Variants in PACRG observed in about 807,000 individuals in gnomAD.
The protein encoded by PACRG is parkin coregulated gene protein.
In PACRG, 29 loss-of-function variants were observed where a neutral mutation model predicts 29.7. The ratio of observed to expected loss-of-function variants is 0.98; its 90% CI spans 0.73 to 1.33. PACRG has a LOEUF of 1.33. PACRG is among the 40% of genes most tolerant of loss of function. The pLI, the probability that PACRG is intolerant of heterozygous loss-of-function variation, is 0.00. For missense variants in PACRG, 279 were observed against 316.2 expected, an observed-to-expected ratio of 0.88 and a Z score of 0.89; for synonymous variants, 116 against 118.7, an observed-to-expected ratio of 0.98 and a Z score of 0.15.
intron 2 of PACRG, among the ~76,000 whole-genome samples, chr6:162,933,870 A>G (rs1045178645): frequency 6.6e-6 from 1 of 152,174 alleles, no homozygotes; most frequent in Non-Finnish European, 1.5e-5. Flanking sequence ...AAAGGTGAAC[A>G]TGTGTGTGCA....
intron 2 of PACRG, among the ~76,000 whole-genome samples, chr6:162,880,740 C>G (rs1179289406): frequency 1.3e-5 from 2 of 152,126 alleles, no homozygotes; most frequent in Non-Finnish European, 2.9e-5. Context: ...ATACGTATTA[C>G]AAAAATAAGC....
chr6:163,083,045 C>T (rs183612614), intron 3 of PACRG, among the ~76,000 whole-genome samples: 61 of 152,260 alleles, frequency 4.0e-4, no homozygotes, highest in African/African-American at 1.4e-3. Flanking sequence ...TCTATCAGGG[C>T]GTCTCCTCTT....
intron 4 of PACRG, among the ~76,000 whole-genome samples, chr6:163,217,239 A>T (rs1171801531): frequency 1.3e-5 from 2 of 152,186 alleles, no homozygotes; most frequent in African/African-American, 4.8e-5. Flanking sequence ...TGATGCCCAA[A>T]GGCTAAAACA....
At chr6:163,269,814 AAG>A (rs1389026200) in intron 4 of PACRG, among the ~76,000 whole-genome samples, 5 of 105,190 alleles carry the variant, frequency 4.8e-5, no homozygotes, top group African/African-American at 1.4e-4. Context: ...GGAAGGAAGG[AAG>A]GAAGGAGAAA....
At chr6:162,735,512 A>G (rs557580374) in intron 1 of PACRG, among the ~76,000 whole-genome samples, 2 of 152,164 alleles carry the variant, frequency 1.3e-5, no homozygotes, top group African/African-American at 2.4e-5. Flanking sequence ...ACTTCTTCAT[A>G]TATTTACTGT....
intron 2 of PACRG, among the ~76,000 whole-genome samples, chr6:162,993,297 G>A (rs935022310): frequency 7.2e-6 from 1 of 139,756 alleles, no homozygotes; most frequent in Non-Finnish European, 1.5e-5. Context: ...GGGTATCCTT[G>A]TTGACTTTCT....
chr6:163,283,654 A>T, intron 4 of PACRG, among the ~76,000 whole-genome samples: 1 of 147,880 alleles, frequency 6.8e-6, no homozygotes, highest in East Asian at 2.0e-4. Flanking sequence ...CAAAAAAATT[A>T]GCCGGGCGCG....
intron 2 of PACRG, among the ~76,000 whole-genome samples, chr6:162,952,901 C>G (rs939766798): frequency 1.3e-5 from 2 of 152,104 alleles, no homozygotes; most frequent in Admixed American, 6.6e-5. Flanking sequence ...GGTTTTATAT[C>G]TACTGATAAA....
chr6:163,124,981 G>A (rs779663182), intron 4 of PACRG, among the ~76,000 whole-genome samples: 1 of 152,138 alleles, frequency 6.6e-6, no homozygotes, highest in African/African-American at 2.4e-5. Context: ...AATTATAAGA[G>A]AGGAAAAAAT....
intron 3 of PACRG, among the ~76,000 whole-genome samples, chr6:163,073,071 A>G (rs35975084): frequency 0.021 from 3,167 of 152,314 alleles, 121 homozygotes; most frequent in African/African-American, 0.072. Flanking sequence ...AAAAATACCT[A>G]TGACATTCTT....
intron 4 of PACRG, among the ~76,000 whole-genome samples, chr6:163,164,114 A>G (rs1465506330): frequency 6.6e-6 from 1 of 152,212 alleles, no homozygotes; most frequent in Non-Finnish European, 1.5e-5. Flanking sequence ...CTTAAAAAAA[A>G]TAAGATGTAA....
chr6:162,878,453 A>G (rs1793557081), intron 2 of PACRG, among the ~76,000 whole-genome samples: 1 of 152,132 alleles, frequency 6.6e-6, no homozygotes, highest in African/African-American at 2.4e-5. Context: ...ACTTTTTTAG[A>G]GTGTTTGATG....
chr6:163,022,869 A>T (rs1237702998), intron 2 of PACRG, among the ~76,000 whole-genome samples: 1 of 152,210 alleles, frequency 6.6e-6, no homozygotes, highest in Non-Finnish European at 1.5e-5. Context: ...TTTCCATCCT[A>T]TTAAGAGCAG....
chr6:163,158,150 C>T (rs1169099247), intron 4 of PACRG, among the ~76,000 whole-genome samples: 2 of 152,110 alleles, frequency 1.3e-5, no homozygotes, highest in African/African-American at 4.8e-5. Context: ...CAAGATTGGA[C>T]CTTCATCTAT....
intron 2 of PACRG, among the ~76,000 whole-genome samples, chr6:162,851,173 G>A (rs1199419368): frequency 2.0e-5 from 3 of 152,166 alleles, no homozygotes; most frequent in Admixed American, 1.3e-4. Context: ...TGGTGAGCAC[G>A]TGTCCAGCTG....
chr6:162,900,063 A>G (rs575800678), intron 2 of PACRG, among the ~76,000 whole-genome samples: 2 of 152,214 alleles, frequency 1.3e-5, no homozygotes, highest in South Asian at 4.2e-4. Flanking sequence ...CCTTATGGTC[A>G]GACCGGAACA....
intron 2 of PACRG, among the ~76,000 whole-genome samples, chr6:162,936,717 A>C (rs187669963): frequency 6.6e-6 from 1 of 152,234 alleles, no homozygotes; most frequent in Admixed American, 6.5e-5. Flanking sequence ...TCTGTTGTTA[A>C]TAGACTGCTT....
intron 2 of PACRG, among the ~76,000 whole-genome samples, chr6:162,994,999 C>T (rs1400991473): frequency 4.0e-5 from 6 of 150,412 alleles, no homozygotes; most frequent in Non-Finnish European, 7.4e-5. Context: ...AATACCCTGC[C>T]GAGTGAGGTG....
intron 4 of PACRG, among the ~76,000 whole-genome samples, chr6:163,238,839 G>T (rs558059252): frequency 6.6e-6 from 1 of 152,234 alleles, no homozygotes; most frequent in Non-Finnish European, 1.5e-5. Context: ...TGTCTCTTCT[G>T]TATTTCTATC....
Sources: gnomAD v4.1 joint callset for allele counts (sites outside exome capture counted in the v4.1 genomes callset) on GRCh38, gnomAD v4.1.1 for gene constraint, MANE v1.5 for transcripts, NCBI Gene and HGNC (gene_info 2026-07-23, HGNC 2026-07-21) for gene names.